Variants in BCL7A observed in about 807,000 individuals in gnomAD.
BCL7A encodes BAF chromatin remodeling complex subunit BCL7A, also known as B-cell CLL/lymphoma 7 protein family member A.
In BCL7A, 11 loss-of-function variants were observed where a neutral mutation model predicts 28.4. That is an observed-to-expected ratio of 0.39 (90% CI 0.24 to 0.64). The LOEUF (loss-of-function observed/expected upper bound fraction) is 0.64, where lower values mean the gene tolerates loss of function less well. BCL7A is among the 30% of genes least tolerant of loss of function. The pLI is 0.50. For synonymous variants in BCL7A, 123 were observed against 103.3 expected (o/e 1.19, Z -1.15); for missense variants, 222 against 274.8 (o/e 0.81, Z 1.36).
chr12:122,030,292 G>A (rs952353333), intron 1 of BCL7A, among the ~76,000 whole-genome samples: 4 of 152,214 alleles, frequency 2.6e-5, no homozygotes, highest in East Asian at 1.9e-4. Flanking sequence ...CCTTGGTGAC[G>A]ACTCCACCCC....
At chr12:122,050,394 G>A (rs1255219036) in intron 4 of BCL7A, among the ~76,000 whole-genome samples, 1 of 152,168 alleles carries the variant, frequency 6.6e-6, no homozygotes, top group Non-Finnish European at 1.5e-5. Flanking sequence ...CCCAGGATAG[G>A]GGCAGGGGTA....
intron 3 of BCL7A, among the ~76,000 whole-genome samples, chr12:122,035,638 C>T (rs1883835541): frequency 6.6e-6 from 1 of 152,226 alleles, no homozygotes; most frequent in Admixed American, 6.5e-5. Flanking sequence ...GAGACATAAA[C>T]TAAGCCAGAG....
chr12:122,059,059 T>G lies in BCL7A; in HGVS notation c.562-33T>G. 1 of 1,564,218 alleles carries G rather than the reference T, an allele frequency of 6.4e-7. No individual in the cohort carries two copies. Among genetic ancestry groups the G allele is most frequent in the East Asian group, 2.2e-5 (1 of 44,600 alleles). On this transcript the variant is annotated intron_variant, in intron 5 of 5. Transcript: ENST00000261822. The surrounding 1 kb of genome is among the most constrained non-coding windows in gnomAD (Gnocchi z 4.0). The stretch of plus-strand genomic sequence containing the variant: ...GGCCTAACTTGCTCTCCTGGCCCAT[T>G]AACCTGTGTTCCCCTTTTCTCCTCT...
At chr12:122,030,436 G>A (rs1000722940) in intron 1 of BCL7A, among the ~76,000 whole-genome samples, 7 of 152,268 alleles carry the variant, frequency 4.6e-5, no homozygotes, top group African/African-American at 1.7e-4. Flanking sequence ...CCACCCATAG[G>A]AGTCCTTGTA....
At chr12:122,049,039 T>TAG (rs1884136812) in intron 4 of BCL7A, among the ~76,000 whole-genome samples, 1 of 56,034 alleles carries the variant, frequency 1.8e-5, no homozygotes, top group Non-Finnish European at 3.6e-5. Context: ...AAAAAAAATA[T>TAG]ATATATATAT....
chr12:122,023,950 T>C (rs928833855), intron 1 of BCL7A, among the ~76,000 whole-genome samples: 1 of 152,168 alleles, frequency 6.6e-6, no homozygotes, highest in South Asian at 2.1e-4. Context: ...CGAGGAGGCG[T>C]GGTGGGGCCT....
intron 3 of BCL7A, 136 bp from the exon 4 acceptor site, chr12:122,043,749 AC>A (rs1227813090): frequency 7.8e-6 from 7 of 900,188 alleles, no homozygotes; most frequent in Non-Finnish European, 1.1e-5. Context: ...AAAAAAAAAA[AC>A]GGTAACCAGA....
intron 4 of BCL7A, among the ~76,000 whole-genome samples, chr12:122,048,705 G>A (rs1055484215): frequency 2.4e-4 from 36 of 151,404 alleles, no homozygotes; most frequent in African/African-American, 8.7e-4. Context: ...GCAACATGGT[G>A]AAATCCCATC....
chr12:122,026,090 AC>A (rs1883623619), intron 1 of BCL7A, among the ~76,000 whole-genome samples: 1 of 151,866 alleles, frequency 6.6e-6, no homozygotes, highest in South Asian at 2.1e-4. Context: ...TAACAGTGAA[AC>A]CCCATCTCTA....
chr12:122,025,576 G>A (rs1883607594), intron 1 of BCL7A, among the ~76,000 whole-genome samples: 1 of 151,504 alleles, frequency 6.6e-6, no homozygotes, highest in Non-Finnish European at 1.5e-5. Context: ...GCAGTGAGCG[G>A]AGATTGCGCC....
intron 4 of BCL7A, among the ~76,000 whole-genome samples, chr12:122,046,701 G>C (rs1176026411): frequency 6.6e-6 from 1 of 152,114 alleles, no homozygotes; most frequent in South Asian, 2.1e-4. Flanking sequence ...CTTAAAACAG[G>C]ATTGATTTCT....
intron 3 of BCL7A, among the ~76,000 whole-genome samples, chr12:122,036,205 T>C (rs541911800): frequency 1.9e-4 from 29 of 152,310 alleles, no homozygotes; most frequent in Middle Eastern, 6.8e-3. Flanking sequence ...CTTCCACGTC[T>C]ACACCTAACT....
intron 4 of BCL7A, among the ~76,000 whole-genome samples, chr12:122,047,137 C>T (rs1400806010): frequency 1.3e-5 from 2 of 151,576 alleles, no homozygotes; most frequent in African/African-American, 4.8e-5. Context: ...CTCCTGACCT[C>T]GGGATCCACC....
chr12:122,025,490 G>A (rs1883604739), intron 1 of BCL7A, among the ~76,000 whole-genome samples: 1 of 152,000 alleles, frequency 6.6e-6, no homozygotes. Flanking sequence ...AGCCAGGCGT[G>A]GTGGCGGGCG....
chr12:122,034,196 T>C (rs1883800707), intron 2 of BCL7A, among the ~76,000 whole-genome samples: 1 of 826 alleles, frequency 1.2e-3, no homozygotes, highest in African/African-American at 6.1e-3. Context: ...CTTTCATATA[T>C]ATATATATAT....
chr12:122,051,866 C>CTCT (rs761652172), intron 4 of BCL7A, among the ~76,000 whole-genome samples: 60 of 80,322 alleles, frequency 7.5e-4, no homozygotes, highest in African/African-American at 2.3e-3. Context: ...CTCTCTCTCT[C>CTCT]TTTTTTTTTT....
chr12:122,061,921 A>AT lies in BCL7A; in HGVS notation c.*2772dup, dbSNP rs548843572. On this transcript the variant is annotated 3_prime_UTR_variant, in exon 6 of 6. Transcript: ENST00000261822. ...TACCTAATTTTTTCCCCTTTCAAGA[A>AT]TTTTTTTTTTTTTTGGTGTGTTGTA... 7,421 of 181,496 alleles carry AT rather than the reference A, an allele frequency of 0.041. 51 individuals are homozygous for AT. The highest frequency in any genetic ancestry group is 0.076 in the Middle Eastern group (41 of 540). 11.2% of individuals were successfully genotyped at this position (181,496 alleles called of 1,614,324 possible).
At chr12:122,033,479 A>G (rs1255485435) in intron 2 of BCL7A, among the ~76,000 whole-genome samples, 1 of 152,036 alleles carries the variant, frequency 6.6e-6, no homozygotes, top group Non-Finnish European at 1.5e-5. Context: ...ACGTCCAGCT[A>G]ATTTTTGTAT....
At chr12:122,026,168 G>A (rs1883625536) in intron 1 of BCL7A, among the ~76,000 whole-genome samples, 1 of 150,562 alleles carries the variant, frequency 6.6e-6, no homozygotes, top group African/African-American at 2.4e-5. Context: ...TTGGGAGGAT[G>A]AGGCAGGAGA....
Sources: gnomAD v4.1 joint callset for allele counts (sites outside exome capture counted in the v4.1 genomes callset) on GRCh38, gnomAD v4.1.1 for gene constraint, Gnocchi (gnomAD v3.1) non-coding constraint, MANE v1.5 for transcripts, NCBI Gene and HGNC (gene_info 2026-07-23, HGNC 2026-07-21) for gene names.